Variants in LASP1 observed in about 807,000 individuals in gnomAD.
LASP1 encodes LIM and SH3 protein 1.
In LASP1, 10 loss-of-function variants were observed where a neutral mutation model predicts 38.6. The ratio of observed to expected loss-of-function variants is 0.26; its 90% CI spans 0.16 to 0.44. LASP1 has a LOEUF of 0.44. Ranked by LOEUF, LASP1 falls within the 20% of genes least tolerant of loss-of-function variation. The pLI is 1.00. For missense variants in LASP1, 243 were observed against 375.7 expected (o/e 0.65, Z 2.92); for synonymous variants, 132 against 140.8 (o/e 0.94, Z 0.44).
intron 2 of LASP1, 160 bp from the exon 3 acceptor site, chr17:38,890,260 C>A: frequency 1.6e-6 from 1 of 619,938 alleles, no homozygotes; most frequent in Non-Finnish European, 2.9e-6. Context: ...GCTTGTCTCC[C>A]CTCGGCCTTG....
chr17:38,885,362 G>A (rs535763714), intron 2 of LASP1, among the ~76,000 whole-genome samples: 1 of 152,316 alleles, frequency 6.6e-6, no homozygotes, highest in South Asian at 2.1e-4. Context: ...ATGTTGCTTT[G>A]TGTCTCTGTA....
intron 4 of LASP1, chr17:38,899,172 C>T (rs555476954): frequency 1.4e-3 from 300 of 213,482 alleles, no homozygotes; most frequent in African/African-American, 6.5e-3. Context: ...CTTGGCAGAG[C>T]CACAGGCAAG....
Position 38,918,708 on chromosome 17 carries a change from G to C in LASP1, c.716G>C (p.Trp239Ser). 6.2e-7 allele frequency: 1 copy of C among 1,614,166 alleles called. No homozygotes were observed. Among genetic ancestry groups the C allele is most frequent in the Non-Finnish European group, 8.5e-7 (1 of 1,180,004 alleles). Residue 239 changes from tryptophan (W) to serine (S), a missense_variant, in exon 7 of 7, where the codon TGG becomes TCG. By Grantham distance (177) the Trp-to-Ser change is radical (BLOSUM62 -3). Coordinates refer to ENST00000318008, the MANE Select transcript of LASP1 (RefSeq NM_006148.4). This position sits in a 1 kb window ranked among gnomAD's most constrained non-coding sequence, Gnocchi z 4.4. ...IVNVQQIDDG[W>S]MYGTVERTGD... is the part of the protein sequence containing the mutation. Reference sequence around the variant, plus strand: ...AACGTGCAGCAGATCGACGACGGCTGGATGTACGGGACGGTGGAGCGCACC... The same window carrying C: ...AACGTGCAGCAGATCGACGACGGCTCGATGTACGGGACGGTGGAGCGCACC...
Position 38,870,098 on chromosome 17 carries a change from T to C in LASP1, c.-92T>C. The C allele has an allele frequency of 7.3e-7, 1 of 1,374,256 alleles. No homozygotes were observed. The highest frequency in any genetic ancestry group is 1.0e-6 in the Non-Finnish European group (1 of 978,528). The allele number at this position is 1,374,256 out of a possible 1,614,324, so 85.1% of individuals were successfully genotyped here. A position where few individuals can be genotyped will look rare whatever the true frequency, so the allele number is the denominator to read the frequency against. On this transcript the variant is annotated 5_prime_UTR_variant, in exon 1 of 7. Transcript: ENST00000318008. ...CCAGCCGCCGTCGCTGCTGCCTGTG[T>C]AGTTGCAGCCGCGGCCGCCTCCCGC...
Position 38,915,724 on chromosome 17 carries a change from G to A in LASP1, c.612+578G>A, listed in dbSNP as rs1460973339. On this transcript the variant is annotated intron_variant, in intron 6 of 6. Transcript: ENST00000318008. ...ACTCTGAGCCAGGCCTAGAGCAAGT[G>A]AATAAGCCCAGCAGGAATGGGGTGA... is the stretch of plus-strand genomic sequence containing the variant. 4 of 152,266 alleles carry A rather than the reference G, an allele frequency of 2.6e-5. No homozygotes were observed. In the East Asian group the frequency reaches 5.8e-4, roughly 22 times the overall value. 9.4% of individuals were successfully genotyped at this position (152,266 alleles called of 1,614,324 possible). A position where few individuals can be genotyped will look rare whatever the true frequency, so the allele number is the denominator to read the frequency against.
intron 1 of LASP1, among the ~76,000 whole-genome samples, chr17:38,876,773 C>G (rs1913791392): frequency 6.6e-6 from 1 of 150,442 alleles, no homozygotes; most frequent in Non-Finnish European, 1.5e-5. Context: ...TGCTCTGTCA[C>G]CCAGACTGGA....
chr17:38,883,140 G>A (rs140576904), intron 2 of LASP1, among the ~76,000 whole-genome samples: 1,579 of 152,200 alleles, frequency 0.01, 30 homozygotes, highest in African/African-American at 0.036. Flanking sequence ...GTTTATGCCT[G>A]TAATCCCAGC....
At chr17:38,898,237 C>T (rs540464049) in intron 3 of LASP1, among the ~76,000 whole-genome samples, 175 bp from the exon 4 acceptor site, 56 of 152,316 alleles carry the variant, frequency 3.7e-4, no homozygotes, top group African/African-American at 7.7e-4. Context: ...CTTATTATTA[C>T]GAGTCTAACA....
chr17:38,885,144 A>G (rs226222), intron 2 of LASP1, among the ~76,000 whole-genome samples: 17,485 of 152,136 alleles, frequency 0.11, 1,151 homozygotes, highest in Non-Finnish European at 0.15. Flanking sequence ...TTTCCCCAGA[A>G]CTGAGTGCTG....
chr17:38,910,227 T>C (rs1283871441), intron 4 of LASP1, among the ~76,000 whole-genome samples: 1 of 150,382 alleles, frequency 6.6e-6, no homozygotes, highest in Non-Finnish European at 1.5e-5. Flanking sequence ...GGTCACTAAG[T>C]TTTTTCTGTA....
intron 1 of LASP1, among the ~76,000 whole-genome samples, chr17:38,871,169 G>A (rs1913598314): frequency 6.6e-6 from 1 of 151,928 alleles, no homozygotes; most frequent in African/African-American, 2.4e-5. Context: ...GGGTGGCCTT[G>A]TGGAGATTCA....
intron 2 of LASP1, among the ~76,000 whole-genome samples, chr17:38,879,521 T>C (rs1913879399): frequency 6.6e-6 from 1 of 151,654 alleles, no homozygotes; most frequent in South Asian, 2.1e-4. Context: ...CAAGTAATGG[T>C]AATTTCAGTG....
intron 2 of LASP1, among the ~76,000 whole-genome samples, chr17:38,884,752 G>A (rs1189793652): frequency 6.8e-6 from 1 of 147,452 alleles, no homozygotes; most frequent in Admixed American, 6.8e-5. Context: ...GTGCAGAGGT[G>A]TGATCTCGGC....
chr17:38,878,281 C>A, intron 2 of LASP1, 101 bp downstream of exon 2: 1 of 744,740 alleles, frequency 1.3e-6, no homozygotes, highest in Non-Finnish European at 2.4e-6. Context: ...CATTGGCGAA[C>A]ACTTCCATCC....
At chr17:38,888,006 C>A (rs1416405342) in intron 2 of LASP1, among the ~76,000 whole-genome samples, 1 of 152,170 alleles carries the variant, frequency 6.6e-6, no homozygotes, top group African/African-American at 2.4e-5. Flanking sequence ...GCCTGTGAGT[C>A]AGGGATCTGC....
chr17:38,877,310 G>A (rs980267835), intron 1 of LASP1, among the ~76,000 whole-genome samples: 1 of 152,230 alleles, frequency 6.6e-6, no homozygotes, highest in Non-Finnish European at 1.5e-5. Context: ...TACAGTTAGT[G>A]GGGTAGAGCT....
At chr17:38,883,830 C>CT (rs563233514) in intron 2 of LASP1, among the ~76,000 whole-genome samples, 54 of 142,248 alleles carry the variant, frequency 3.8e-4, no homozygotes, top group South Asian at 6.8e-4. Context: ...TTTGACTGCT[C>CT]TTTTTTTTCC....
In LASP1 at chr17:38,919,754, C is replaced by T. The variant is rs1915245455; in HGVS notation, c.*976C>T. 1 of 412,144 alleles carries T rather than the reference C, an allele frequency of 2.4e-6. No individual in the cohort carries two copies. The highest frequency in any genetic ancestry group is 2.3e-5 in the South Asian group (1 of 42,804). 25.5% of individuals were successfully genotyped at this position (412,144 alleles called of 1,614,324 possible). A position where few individuals can be genotyped will look rare whatever the true frequency, so the allele number is the denominator to read the frequency against. On this transcript the variant is annotated 3_prime_UTR_variant, in exon 7 of 7. Transcript: ENST00000318008. ...AGAGCCTTCCATGACCTCCCCTCCC[C>T]AGCCCAATGCCAAGTGGACTTGGAG...
At chr17:38,903,310 C>T (rs1191600888) in intron 4 of LASP1, among the ~76,000 whole-genome samples, 1 of 152,148 alleles carries the variant, frequency 6.6e-6, no homozygotes, top group Non-Finnish European at 1.5e-5. Flanking sequence ...CCTACTTTGA[C>T]AGGTGGTTGC....
Sources: allele counts gnomAD v4.1 joint callset (sites outside exome capture counted in the v4.1 genomes callset), GRCh38; gene constraint gnomAD v4.1.1; non-coding constraint Gnocchi (gnomAD v3.1); transcripts MANE v1.5; gene names NCBI Gene and HGNC (gene_info 2026-07-23, HGNC 2026-07-21).